RAB27B: variants seen among roughly 807,000 people sequenced by gnomAD.
The protein encoded by RAB27B is RAB27B, member RAS oncogene family, also known as ras-related protein Rab-27B.
A neutral mutation model predicts 24.6 loss-of-function variants in RAB27B; 15 were observed. The ratio of observed to expected loss-of-function variants is 0.61; its 90% CI spans 0.41 to 0.94. The LOEUF is 0.94. RAB27B is among the 40% of genes least tolerant of loss of function. The pLI, the probability that RAB27B is intolerant of heterozygous loss-of-function variation, is 0.00. For missense variants in RAB27B, 261 were observed against 266.8 expected (o/e 0.98, Z 0.15); for synonymous variants, 105 against 92.5 (o/e 1.14, Z -0.78).
At chr18:54,727,109 G>C (rs1382145464) in intron 2 of RAB27B, among the ~76,000 whole-genome samples, 1 of 152,138 alleles carries the variant, frequency 6.6e-6, no homozygotes, top group Admixed American at 6.5e-5. Context: ...CTATAGCTGG[G>C]ATTACAGGCA....
chr18:54,889,518 T>G lies in RAB27B; in HGVS notation c.*105T>G, dbSNP rs1323380105. On this transcript the variant is annotated 3_prime_UTR_variant, in exon 6 of 6. Transcript: ENST00000262094. ...TGAGTAAACCACGCACAATGGCATG[T>G]CTTTCTTTTTCTGCCAGAAAATCTA... The G allele has an allele frequency of 4.0e-6, 4 of 1,005,092 alleles. No homozygotes were observed. In the African/African-American group the frequency reaches 6.6e-5, roughly 17 times the overall value. The allele number at this position is 1,005,092 out of a possible 1,614,324, so 62.3% of individuals were successfully genotyped here.
intron 2 of RAB27B, among the ~76,000 whole-genome samples, chr18:54,755,752 CAAT>C (rs779607989): frequency 2.6e-5 from 4 of 152,166 alleles, no homozygotes; most frequent in Admixed American, 1.3e-4. Context: ...AAGGAAAAAT[CAAT>C]AATAGCAAAT....
At chr18:54,764,829 G>T (rs1908306759) in intron 2 of RAB27B, among the ~76,000 whole-genome samples, 1 of 152,018 alleles carries the variant, frequency 6.6e-6, no homozygotes, top group South Asian at 2.1e-4. Flanking sequence ...TCCAAACTTT[G>T]TCTTCTAACT....
intron 2 of RAB27B, among the ~76,000 whole-genome samples, chr18:54,803,794 C>T (rs1909683983): frequency 6.6e-6 from 1 of 152,066 alleles, no homozygotes; most frequent in Non-Finnish European, 1.5e-5. Flanking sequence ...GATGATGGAA[C>T]CACTCACTGG....
At chr18:54,794,151 T>C (rs1171629286) in intron 2 of RAB27B, among the ~76,000 whole-genome samples, 3 of 152,168 alleles carry the variant, frequency 2.0e-5, no homozygotes, top group Admixed American at 2.0e-4. Flanking sequence ...TCTATCTGTA[T>C]GGAGATTATA....
intron 1 of RAB27B, among the ~76,000 whole-genome samples, chr18:54,835,649 TA>T (rs1481994673): frequency 6.6e-6 from 1 of 152,004 alleles, no homozygotes; most frequent in Non-Finnish European, 1.5e-5. Context: ...CTTAAATAAA[TA>T]GGCCATCATG....
At chr18:54,752,316 C>T (rs371149694) in intron 2 of RAB27B, among the ~76,000 whole-genome samples, 2 of 152,232 alleles carry the variant, frequency 1.3e-5, no homozygotes, top group African/African-American at 2.4e-5. Flanking sequence ...ATTTGAGGAG[C>T]TTTTATTAAA....
At position 54,786,832 on chromosome 18, in the gene RAB27B, G is replaced by T. The variant is rs113325156; in HGVS notation, c.-20+68691G>T. Among the ~76,000 whole-genome samples the T allele has an allele frequency of 2.3e-3, 350 of 152,296 alleles. 2 individuals are homozygous for T. Among genetic ancestry groups the T allele is most frequent in the African/African-American group, 8.0e-3 (334 of 41,560 alleles). On this transcript the variant is annotated intron_variant, in intron 2 of 4. Coordinates refer to the RAB27B transcript ENST00000586570. ...AGAGGTGTGTTGACAATTAAATTCA[G>T]TTCAATAAGCTATTAAGCGATAAAC... is the stretch of plus-strand genomic sequence containing the variant.
intron 2 of RAB27B, among the ~76,000 whole-genome samples, chr18:54,811,491 T>G (rs975150687): frequency 1.3e-5 from 2 of 152,168 alleles, no homozygotes; most frequent in African/African-American, 4.8e-5. Flanking sequence ...CTTCGATCAG[T>G]CTTTTGCTGA....
chr18:54,878,468 G>A (rs1912793587), intron 2 of RAB27B, among the ~76,000 whole-genome samples: 2 of 152,154 alleles, frequency 1.3e-5, no homozygotes. Context: ...TGAGAATTGG[G>A]AAAGAAAACA....
intron 2 of RAB27B, among the ~76,000 whole-genome samples, chr18:54,790,279 A>T (rs1452592132): frequency 6.6e-6 from 1 of 152,182 alleles, no homozygotes; most frequent in Non-Finnish European, 1.5e-5. Flanking sequence ...GATGGTTGTA[A>T]AAGTGAGGCT....
chr18:54,822,666 A>G (rs1487960251), intron 2 of RAB27B, among the ~76,000 whole-genome samples: 2 of 152,148 alleles, frequency 1.3e-5, no homozygotes, highest in Non-Finnish European at 1.5e-5. Context: ...ATTCTTTCCT[A>G]TTTGCTTAGT....
At chr18:54,736,346 G>A (rs534321220) in intron 2 of RAB27B, among the ~76,000 whole-genome samples, 1 of 152,014 alleles carries the variant, frequency 6.6e-6, no homozygotes, top group Admixed American at 6.6e-5. Flanking sequence ...TTATCTAATT[G>A]GATGTTATTA....
intron 2 of RAB27B, among the ~76,000 whole-genome samples, chr18:54,733,658 C>CG (rs200647068): frequency 7.3e-5 from 10 of 137,114 alleles, no homozygotes; most frequent in African/African-American, 2.6e-4. Context: ...GAGCCCCCCC[C>CG]CCCCAAATTT....
intron 2 of RAB27B, among the ~76,000 whole-genome samples, chr18:54,765,599 A>G (rs896696627): frequency 2.0e-5 from 3 of 152,166 alleles, no homozygotes; most frequent in African/African-American, 4.8e-5. Flanking sequence ...GACACTGGAC[A>G]CTGAATTATT....
chr18:54,727,664 T>C (rs1909581744), intron 2 of RAB27B, among the ~76,000 whole-genome samples: 1 of 152,216 alleles, frequency 6.6e-6, no homozygotes, highest in Admixed American at 6.5e-5. Flanking sequence ...TTAAACAAAT[T>C]TAGATTTGCC....
intron 1 of RAB27B, among the ~76,000 whole-genome samples, chr18:54,851,348 A>G (rs1911579474): frequency 6.6e-6 from 1 of 152,232 alleles, no homozygotes. Flanking sequence ...ACCAAAGTGT[A>G]CAGTAGAAAC....
intron 1 of RAB27B, among the ~76,000 whole-genome samples, chr18:54,873,876 A>G (rs191424554): frequency 7.9e-5 from 12 of 152,314 alleles, no homozygotes; most frequent in African/African-American, 2.9e-4. Flanking sequence ...CCTATTGGAA[A>G]AATGAAGATT....
chr18:54,750,895 G>A (rs1428421964), intron 2 of RAB27B, among the ~76,000 whole-genome samples: 10 of 152,170 alleles, frequency 6.6e-5, no homozygotes, highest in Non-Finnish European at 2.9e-5. Flanking sequence ...GCAAAAAGCA[G>A]AAGGCCACAG....
Sources: allele counts gnomAD v4.1 joint callset (sites outside exome capture counted in the v4.1 genomes callset), GRCh38; gene constraint gnomAD v4.1.1; transcripts MANE v1.5; gene names NCBI Gene and HGNC (gene_info 2026-07-23, HGNC 2026-07-21).